Variants in ZNF410 observed in about 807,000 individuals in gnomAD.
The protein encoded by ZNF410 is another partner for ARF 1.
In ZNF410, 18 loss-of-function variants were observed where a neutral mutation model predicts 54.8. That is an observed-to-expected ratio of 0.33 (90% CI 0.23 to 0.49). The LOEUF is 0.49. Among genes scored for constraint, ZNF410 ranks in the 20% least tolerant of loss-of-function variants. The pLI is 0.99. For synonymous variants in ZNF410, 191 were observed against 207.3 expected, an observed-to-expected ratio of 0.92 and a Z score of 0.68; for missense variants, 405 against 569.6, an observed-to-expected ratio of 0.71 and a Z score of 2.94.
At position 73,898,235 on chromosome 14, in the gene ZNF410, G is replaced by T; in HGVS notation, c.553G>T (p.Ala185Ser). 1.2e-6 allele frequency: 2 copies of T among 1,614,008 alleles called. No individual in the cohort carries two copies. Among genetic ancestry groups the T allele is most frequent in the South Asian group, 1.1e-5 (1 of 91,074 alleles). The change falls in exon 5 of 12, where the codon GCA (alanine) becomes TCA (serine). Residue 185 changes from alanine (A) to serine (S), a missense_variant. By Grantham distance (99) the Ala-to-Ser change is moderately conservative. Around this residue, in one of 3 missense-constraint regions of ZNF410, gnomAD observed 247 missense variants for 342.8 expected, o/e 0.72. Coordinates refer to ENST00000555044, the MANE Select transcript of ZNF410 (RefSeq NM_021188.3). ...GATTGCTGCTACTCGTGCACAACTG[G>T]CAAAGAATGCAAAAACCAGCAGCAA... ...SLIAATRAQL[A>S]KNAKTSSNGE...
intron 8 of ZNF410, chr14:73,914,720 C>T (rs1290948227): frequency 1.3e-5 from 2 of 150,888 alleles, no homozygotes; most frequent in African/African-American, 4.9e-5. Flanking sequence ...CCTCTGCCTC[C>T]CGGGTTCAAG....
rs2055912637 is a variant in ZNF410, at chr14:73,931,401, T to G, written c.1399-102T>G. ...AGTAGATAGCCTTCATTCACCCCTG[T>G]AGTGCATTCTCCATCCTCCACTCTT... On this transcript the variant is annotated intron_variant, in intron 11 of 11. Coordinates refer to ENST00000555044, the MANE Select transcript of ZNF410 (RefSeq NM_021188.3). 40 of 970,892 alleles carry G rather than the reference T, an allele frequency of 4.1e-5. 1 individual carries two copies. The South Asian group carries it at 5.7e-4, about 14-fold the overall frequency. 60.1% of individuals were successfully genotyped at this position (970,892 alleles called of 1,614,324 possible). A position where few individuals can be genotyped will look rare whatever the true frequency, so the allele number is the denominator to read the frequency against.
chr14:73,898,282 T>A lies in ZNF410; in HGVS notation c.580+20T>A, dbSNP rs1365568580. 38 of 1,613,292 alleles carry A rather than the reference T, an allele frequency of 2.4e-5. No homozygotes were observed. Among genetic ancestry groups the A allele is most frequent in the Non-Finnish European group, 3.0e-5 (35 of 1,179,586 alleles). ...GCAATGGTGAGGCCCGTCGGCATTT[T>A]CCTTGCCACTATTCTGTGCAAAGAG... On this transcript the variant is annotated intron_variant, in intron 5 of 11. Coordinates refer to ENST00000555044, the MANE Select transcript of ZNF410 (RefSeq NM_021188.3).
At chr14:73,898,903 A>G (rs2055363894) in intron 5 of ZNF410, among the ~76,000 whole-genome samples, 1 of 152,266 alleles carries the variant, frequency 6.6e-6, no homozygotes, top group Non-Finnish European at 1.5e-5. Flanking sequence ...TCTCAGGCCC[A>G]TGCCAGACCT....
intron 8 of ZNF410, 104 bp downstream of exon 8, chr14:73,909,534 C>A: frequency 1.2e-6 from 1 of 863,976 alleles, no homozygotes; most frequent in Admixed American, 2.5e-5. Context: ...AAACTGTTCA[C>A]TATAAAGATA....
intron 8 of ZNF410, chr14:73,913,386 C>T (rs1483371242): frequency 6.6e-6 from 1 of 152,090 alleles, no homozygotes; most frequent in Non-Finnish European, 1.5e-5. Context: ...CCCCCTCTTC[C>T]AGAGCAAGGT....
chr14:73,910,947 G>A (rs2055568343), intron 8 of ZNF410, among the ~76,000 whole-genome samples: 1 of 151,868 alleles, frequency 6.6e-6, no homozygotes, highest in South Asian at 2.1e-4. Flanking sequence ...ATTTATAAGA[G>A]GGGTTAGAAA....
chr14:73,926,624 G>A (rs1381507152), intron 11 of ZNF410, among the ~76,000 whole-genome samples: 1 of 151,998 alleles, frequency 6.6e-6, no homozygotes, highest in African/African-American at 2.4e-5. Flanking sequence ...TAGTAGAGAC[G>A]GGCTTTTACC....
At chr14:73,897,558 T>A (rs1705537296) in intron 4 of ZNF410, among the ~76,000 whole-genome samples, 2 of 152,058 alleles carry the variant, frequency 1.3e-5, no homozygotes, top group South Asian at 4.1e-4. Flanking sequence ...AGCTTTGCCT[T>A]GAAACCAGAG....
At position 73,932,521 on chromosome 14, in the gene ZNF410, A is replaced by C. The variant is rs2055931836; in HGVS notation, c.*980A>C. On this transcript the variant is annotated 3_prime_UTR_variant, in exon 12 of 12. Coordinates refer to ENST00000555044, the MANE Select transcript of ZNF410 (RefSeq NM_021188.3). ...AAAACAGATACTTCTGAATTTTTCC[A>C]CAAAGATAGTTTTTTTAAAAAAGCT... 6.8e-6 allele frequency: 3 copies of C among 443,938 alleles called. No individual in the cohort carries two copies. Among genetic ancestry groups the C allele is most frequent in the African/African-American group, 6.1e-5 (3 of 49,018 alleles). The allele number at this position is 443,938 out of a possible 1,614,324, so 27.5% of individuals were successfully genotyped here. A position where few individuals can be genotyped will look rare whatever the true frequency, so the allele number is the denominator to read the frequency against.
At chr14:73,894,105 C>T (rs1290927537) in intron 3 of ZNF410, among the ~76,000 whole-genome samples, 173 bp downstream of exon 3, 2 of 152,050 alleles carry the variant, frequency 1.3e-5, no homozygotes, top group African/African-American at 4.8e-5. Context: ...TAGTTTAAGC[C>T]ATAGGAATGG....
chr14:73,912,100 CA>C (rs1269640989), intron 8 of ZNF410, among the ~76,000 whole-genome samples: 1 of 151,248 alleles, frequency 6.6e-6, no homozygotes, highest in Non-Finnish European at 1.5e-5. Flanking sequence ...GCTTGGTTGT[CA>C]AAATTGATCC....
At chr14:73,889,397 ACTCCAGCCTGCG>A (rs1285077338) in intron 1 of ZNF410, among the ~76,000 whole-genome samples, 21 of 144,348 alleles carry the variant, frequency 1.5e-4, no homozygotes, top group South Asian at 4.5e-4. Context: ...GCGCCACTGC[ACTCCAGCCTGCG>A]TGACAGAGCG....
chr14:73,913,395 G>A (rs1416747591), intron 8 of ZNF410: 1 of 151,878 alleles, frequency 6.6e-6, no homozygotes, highest in East Asian at 1.9e-4. Context: ...CCAGAGCAAG[G>A]TTGAAGGAAA....
At chr14:73,908,765 G>A (rs2055530496) in intron 7 of ZNF410, among the ~76,000 whole-genome samples, 1 of 151,888 alleles carries the variant, frequency 6.6e-6, no homozygotes, top group African/African-American at 2.4e-5. Context: ...ACTTTTTTTT[G>A]TATTTATGAA....
At chr14:73,927,046 A>G (rs2055843735) in intron 11 of ZNF410, 1 of 155,314 alleles carries the variant, frequency 6.4e-6, no homozygotes, top group Non-Finnish European at 1.4e-5. Flanking sequence ...GGCCTGCAAA[A>G]TGGTGATATC....
chr14:73,925,016 T>C (rs2055808535), intron 11 of ZNF410, among the ~76,000 whole-genome samples: 1 of 152,240 alleles, frequency 6.6e-6, no homozygotes, highest in South Asian at 2.1e-4. Flanking sequence ...CAGTAAGCTG[T>C]TGCATCATTC....
Position 73,892,014 on chromosome 14 carries a change from A to G in ZNF410, c.-149-13A>G, listed in dbSNP as rs2055237647. The G allele has an allele frequency of 2.6e-6, 2 of 782,400 alleles. No homozygotes were observed. The highest frequency in any genetic ancestry group is 2.2e-4 in the Middle Eastern group (1 of 4,504). 48.5% of individuals were successfully genotyped at this position (782,400 alleles called of 1,614,324 possible). ...TCTTAATGCCCCCTCTCTCTTTTTT[A>G]CCCCTATTCTAGGTTACATTGATTA... On this transcript the variant is annotated splice_polypyrimidine_tract_variant and intron_variant, in intron 1 of 11. Coordinates refer to ENST00000555044, the MANE Select transcript of ZNF410 (RefSeq NM_021188.3).
chr14:73,901,909 G>A (rs1211472298), intron 5 of ZNF410, among the ~76,000 whole-genome samples: 1 of 150,552 alleles, frequency 6.6e-6, no homozygotes, highest in African/African-American at 2.4e-5. Context: ...ATTCCAGCCT[G>A]GGCAACAAAA....
Sources: gnomAD v4.1 joint callset for allele counts (sites outside exome capture counted in the v4.1 genomes callset) on GRCh38, gnomAD v4.1.1 for gene constraint, gnomAD v4.1.1 regional missense constraint, MANE v1.5 for transcripts, NCBI Gene and HGNC (gene_info 2026-07-23, HGNC 2026-07-21) for gene names.